GRM3: variants seen among roughly 807,000 people sequenced by gnomAD.
GRM3 encodes the protein metabotropic glutamate receptor 3.
Under a neutral mutation model 70.5 loss-of-function variants are expected in GRM3, and 26 were observed. That is an observed-to-expected ratio of 0.37 (90% CI 0.27 to 0.51). The LOEUF is 0.51. Among genes scored for constraint, GRM3 ranks in the 20% least tolerant of loss-of-function variants. GRM3 has a pLI of 0.93. For synonymous variants in GRM3, 443 were observed against 434.9 expected, an observed-to-expected ratio of 1.02 and a Z score of -0.23; for missense variants, 859 against 1,123.8, an observed-to-expected ratio of 0.76 and a Z score of 3.37.
chr7:86,833,300 G>A (rs1798390534), intron 3 of GRM3: 1 of 151,642 alleles, frequency 6.6e-6, no homozygotes, highest in Non-Finnish European at 1.5e-5. Flanking sequence ...AATGCTAGAT[G>A]ACGTGTTAGT....
intron 3 of GRM3, among the ~76,000 whole-genome samples, chr7:86,818,026 C>G (rs1300686024): frequency 6.6e-6 from 1 of 151,900 alleles, no homozygotes; most frequent in Non-Finnish European, 1.5e-5. Context: ...ATGTTGCAGA[C>G]CAGAGCATTC....
chr7:86,708,460 G>GATTGAGGGCATGTTGCCCTCC (rs1795109682), intron 1 of GRM3, among the ~76,000 whole-genome samples: 1 of 152,182 alleles, frequency 6.6e-6, no homozygotes, highest in South Asian at 2.1e-4. Flanking sequence ...TCTAAATGCT[G>GATTGAGGGCATGTTGCCCTCC]ATTGAGGGCA....
At chr7:86,813,469 A>G (rs542364482) in intron 3 of GRM3, among the ~76,000 whole-genome samples, 20 of 151,862 alleles carry the variant, frequency 1.3e-4, no homozygotes, top group Non-Finnish European at 1.8e-4. Flanking sequence ...TTACCTCAGG[A>G]TACAGAGAAC....
At chr7:86,673,744 C>A (rs190331854) in intron 1 of GRM3, among the ~76,000 whole-genome samples, 29 of 152,232 alleles carry the variant, frequency 1.9e-4, no homozygotes, top group Admixed American at 7.9e-4. Context: ...TGAATCCATT[C>A]TCTCTCTAAT....
At chr7:86,741,846 A>G (rs1795998323) in intron 1 of GRM3, among the ~76,000 whole-genome samples, 1 of 152,242 alleles carries the variant, frequency 6.6e-6, no homozygotes, top group Non-Finnish European at 1.5e-5. Flanking sequence ...TTTTATTTAC[A>G]TAAAGAGCAG....
intron 1 of GRM3, among the ~76,000 whole-genome samples, chr7:86,700,449 A>C (rs1794922233): frequency 1.3e-5 from 2 of 151,934 alleles, no homozygotes; most frequent in African/African-American, 4.8e-5. Context: ...TTACTTTCAA[A>C]TTCTCGGAAG....
chr7:86,688,448 T>C lies in GRM3; in HGVS notation c.-141+43576T>C, dbSNP rs1172276699. ...GTTAAGTCCATAGCAAGCTATAAAATCACAAAGTTTTCAATACCTAATTAG... is the reference window on the plus strand; with the variant it reads ...GTTAAGTCCATAGCAAGCTATAAAACCACAAAGTTTTCAATACCTAATTAG... On this transcript the variant is annotated intron_variant, in intron 1 of 5. Coordinates refer to ENST00000361669, the MANE Select transcript of GRM3 (RefSeq NM_000840.3). 2.0e-5 allele frequency among the ~76,000 whole-genome samples: 3 copies of C among 151,744 alleles called. No individual in the cohort carries two copies. The East Asian group carries it at 5.8e-4, about 29-fold the overall frequency.
intron 1 of GRM3, among the ~76,000 whole-genome samples, chr7:86,740,972 T>G (rs1261149580): frequency 6.6e-6 from 1 of 152,164 alleles, no homozygotes; most frequent in Non-Finnish European, 1.5e-5. Flanking sequence ...TGCAGGCAGA[T>G]GAAGGAAGAA....
intron 3 of GRM3, among the ~76,000 whole-genome samples, chr7:86,790,248 T>C (rs1797372129): frequency 6.6e-6 from 1 of 150,706 alleles, no homozygotes; most frequent in Non-Finnish European, 1.5e-5. Context: ...CTAAGATAAA[T>C]GCCCCTTCTT....
chr7:86,832,371 C>G (rs775216167), intron 3 of GRM3, among the ~76,000 whole-genome samples: 3 of 151,768 alleles, frequency 2.0e-5, no homozygotes, highest in Non-Finnish European at 4.4e-5. Flanking sequence ...CTGCCTCAGC[C>G]TCCCAAGGAG....
chr7:86,741,974 A>G (rs1584207242), intron 1 of GRM3, among the ~76,000 whole-genome samples: 1 of 151,214 alleles, frequency 6.6e-6, no homozygotes, highest in Non-Finnish European at 1.5e-5. Context: ...ATGGCTTAAA[A>G]TGATACATTA....
intron 5 of GRM3, among the ~76,000 whole-genome samples, chr7:86,863,455 G>C (rs1371961262): frequency 6.6e-6 from 1 of 152,148 alleles, no homozygotes; most frequent in Non-Finnish European, 1.5e-5. Flanking sequence ...AAGTCTGAAA[G>C]GAAAGCATCA....
intron 2 of GRM3, among the ~76,000 whole-genome samples, chr7:86,778,824 A>AC (rs1330359716): frequency 6.6e-6 from 1 of 152,174 alleles, no homozygotes; most frequent in Non-Finnish European, 1.5e-5. Context: ...TTTATATTCA[A>AC]CATAATATTG....
intron 1 of GRM3, among the ~76,000 whole-genome samples, chr7:86,707,461 C>A (rs534903935): frequency 2.0e-4 from 31 of 152,096 alleles, no homozygotes; most frequent in African/African-American, 7.2e-4. Flanking sequence ...ACTCTGGGAC[C>A]ATTTTGCCTG....
At chr7:86,794,621 A>G (rs1562866705) in intron 3 of GRM3, among the ~76,000 whole-genome samples, 1 of 152,212 alleles carries the variant, frequency 6.6e-6, no homozygotes, top group Non-Finnish European at 1.5e-5. Flanking sequence ...GCCTCTTACC[A>G]AAAGCACTTA....
At chr7:86,665,636 C>T (rs802425) in intron 1 of GRM3, among the ~76,000 whole-genome samples, 75,206 of 151,800 alleles carry the variant, frequency 0.5, 19,372 homozygotes, top group East Asian at 0.81. Flanking sequence ...TAGATCCTGC[C>T]ATGCATATTA....
chr7:86,714,840 G>T (rs192639552), intron 1 of GRM3, among the ~76,000 whole-genome samples: 2 of 152,042 alleles, frequency 1.3e-5, no homozygotes, highest in Admixed American at 1.3e-4. Context: ...TGATAATAAA[G>T]GGCACTATTC....
intron 1 of GRM3, among the ~76,000 whole-genome samples, chr7:86,671,976 G>T (rs146562270): frequency 1.9e-4 from 29 of 152,204 alleles, no homozygotes; most frequent in African/African-American, 6.7e-4. Context: ...AAACAGGTTC[G>T]ACTCAAGAAG....
intron 1 of GRM3, among the ~76,000 whole-genome samples, chr7:86,692,651 T>C (rs1027444509): frequency 6.6e-6 from 1 of 152,206 alleles, no homozygotes; most frequent in African/African-American, 2.4e-5. Context: ...TGACCTCTTT[T>C]ATTAGAATAT....
Sources: allele counts gnomAD v4.1 joint callset (sites outside exome capture counted in the v4.1 genomes callset), GRCh38; gene constraint gnomAD v4.1.1; transcripts MANE v1.5; gene names NCBI Gene and HGNC (gene_info 2026-07-23, HGNC 2026-07-21).